AARS2: variants seen among roughly 807,000 people sequenced by gnomAD.
AARS2 encodes the protein alanyl-tRNA synthetase 2, mitochondrial.
A neutral mutation model predicts 119.7 loss-of-function variants in AARS2; 78 were observed. That is an observed-to-expected ratio of 0.65 (90% CI 0.54 to 0.79). The LOEUF is 0.79. Ranked by LOEUF, AARS2 falls within the 30% of genes least tolerant of loss-of-function variation. AARS2 has a pLI of 0.00. For missense variants in AARS2, 1,157 were observed against 1,291.3 expected (o/e 0.90, Z 1.59); for synonymous variants, 502 against 526.3 (o/e 0.95, Z 0.63).
chr6:44,310,457 G>C lies in AARS2; in HGVS notation c.750-14C>G, dbSNP rs749636365. ...CCATCTGCCTCTCTGGCCAGGGAAG[G>C]TGTGCAAGGTGAGGCCCCACCCAGG... On this transcript the variant is annotated splice_polypyrimidine_tract_variant and intron_variant, in intron 4 of 21. Coordinates refer to ENST00000244571, the MANE Select transcript of AARS2 (RefSeq NM_020745.4). 1 of 1,612,562 alleles carries C rather than the reference G, an allele frequency of 6.2e-7. No individual in the cohort carries two copies. Among genetic ancestry groups the C allele is most frequent in the Non-Finnish European group, 8.5e-7 (1 of 1,179,894 alleles).
chr6:44,306,771 G>A (rs1399861410), intron 7 of AARS2, 152 bp downstream of exon 7: 2 of 861,006 alleles, frequency 2.3e-6, no homozygotes, highest in Non-Finnish European at 3.9e-6. Flanking sequence ...TGTAAGCAAG[G>A]ACAGCTTTCT....
rs1453161707 is a variant in AARS2 at position 44,307,061 on chromosome 6, C to T, written c.1041-30G>A. 1 of 1,611,842 alleles carries T rather than the reference C, an allele frequency of 6.2e-7. No individual in the cohort carries two copies. The highest frequency in any genetic ancestry group is 1.7e-5 in the Admixed American group (1 of 59,974). On this transcript the variant is annotated intron_variant, in intron 6 of 21. Transcript: ENST00000244571. This position sits in a 1 kb window ranked among gnomAD's most constrained non-coding sequence, Gnocchi z 4.4. ...AGGGGTTCAGAGCCCAGACATGAAT[C>T]CCCAGCGGCTCATGGTCAGCAATAT...
chr6:44,304,797 G>C lies in AARS2; in HGVS notation c.1600C>G (p.Gln534Glu). 1 of 1,614,166 alleles carries C rather than the reference G, an allele frequency of 6.2e-7. No individual in the cohort carries two copies. Among genetic ancestry groups the C allele is most frequent in the Non-Finnish European group, 8.5e-7 (1 of 1,180,022 alleles). The change falls in exon 12 of 22, where the codon CAG (glutamine) becomes GAG (glutamate). Residue 534 changes from glutamine (Q) to glutamate (E), a missense_variant. Coordinates refer to ENST00000244571, the MANE Select transcript of AARS2 (RefSeq NM_020745.4). The stretch of plus-strand genomic sequence containing the variant: ...TCCTCTGTATACAGTTGCAACACCT[G>C]GGCCTCACAGGTGCCGAACTCTGCC... Reference protein sequence around the residue: ...GSYEFGTCEAQVLQLYTEDGT... With the variant: ...GSYEFGTCEAEVLQLYTEDGT...
rs1339137850 is a variant in AARS2 at position 44,304,485 on chromosome 6, G to A, written c.1801C>T (p.Leu601=). The change falls in exon 13 of 22, where the codon CTG becomes TTG. Residue 601 remains leucine (L), a synonymous_variant. Transcript: ENST00000244571. ...ARAQVCGGFI[L]HEAVAPECLR... ...CACTCAGGGGCTACTGCCTCATGCA[G>A]GATGAAACCTCCACAGACCTGGGCC... The A allele has an allele frequency of 1.9e-6, 3 of 1,614,086 alleles. No individual in the cohort carries two copies. The highest frequency in any genetic ancestry group is 2.5e-6 in the Non-Finnish European group (3 of 1,180,034).
In AARS2 at chr6:44,303,184, A is replaced by G. The variant is rs778963535; in HGVS notation, c.2146-9T>C. ...ACAGGGTCTGGGTAAACCTGAGGTC[A>G]AGAGGGGACAGGCCCGTTAACTGCC... On this transcript the variant is annotated splice_polypyrimidine_tract_variant and intron_variant, in intron 15 of 21. Transcript: ENST00000244571. 3 of 1,614,126 alleles carry G rather than the reference A, an allele frequency of 1.9e-6. No homozygotes were observed. The South Asian group carries it at 3.3e-5, about 18-fold the overall frequency.
At position 44,310,294 on chromosome 6, in the gene AARS2, C is replaced by G; in HGVS notation, c.894+5G>C. On this transcript the variant is annotated splice_donor_5th_base_variant and intron_variant, in intron 5 of 21. Transcript: ENST00000244571. ...GAGGGCTTCTGGAAGGGAAGAGGCA[C>G]TCACCTGCTGTATGGCGTTGAGCAG... is the stretch of plus-strand genomic sequence containing the variant. 1 of 1,590,614 alleles carries G rather than the reference C, an allele frequency of 6.3e-7. No homozygotes were observed. The highest frequency in any genetic ancestry group is 8.6e-7 in the Non-Finnish European group (1 of 1,168,010).
At position 44,313,276 on chromosome 6, in the gene AARS2, A is replaced by C. The variant is rs773635947; in HGVS notation, c.48T>G (p.Ile16Met). ...GGCCCCGCCATGCGGGCGACCTTCG[A>C]ATGGCCCGCCGCAGCCTCCGGGCTG... The part of the protein sequence containing the change: ...AAAARRLRRA[I>M]RRSPAWRGLS... Residue 16 changes from isoleucine to methionine, a missense_variant, in exon 1 of 22, where the codon ATT (isoleucine) becomes ATG (methionine). Ile to Met is a conservative substitution (Grantham distance 10). Transcript: ENST00000244571. 1 of 1,597,932 alleles carries C rather than the reference A, an allele frequency of 6.3e-7. No homozygotes were observed. Among genetic ancestry groups the C allele is most frequent in the Non-Finnish European group, 8.5e-7 (1 of 1,176,084 alleles).
intron 8 of AARS2, 50 bp from the exon 9 acceptor site, chr6:44,306,441 C>G (rs747669988): frequency 5.0e-6 from 8 of 1,613,886 alleles, no homozygotes; most frequent in Non-Finnish European, 5.9e-6. Context: ...GAAGGAGGGT[C>G]TCTCTCCACA....
In AARS2 at chr6:44,305,287, A is replaced by G. The variant is rs1479739868; in HGVS notation, c.1435-89T>C. 1.9e-6 allele frequency: 3 copies of G among 1,572,154 alleles called. No individual in the cohort carries two copies. Among genetic ancestry groups the G allele is most frequent in the East Asian group, 2.2e-5 (1 of 44,730 alleles). The stretch of plus-strand genomic sequence containing the variant: ...AGCCTCGCAGGGCCCTGTCCCTGCC[A>G]CACAGCTGTGGACTCTGCAGCCCTT... On this transcript the variant is annotated intron_variant, in intron 10 of 21. Transcript: ENST00000244571. The surrounding 1 kb of genome is among the most constrained non-coding windows in gnomAD (Gnocchi z 4.6).
At chr6:44,306,847 G>T in intron 7 of AARS2, 76 bp downstream of exon 7, 2 of 1,383,156 alleles carry the variant, frequency 1.4e-6, no homozygotes, top group Non-Finnish European at 2.1e-6. Flanking sequence ...CAGGCTGGGG[G>T]CACTGTCTAG....
chr6:44,310,453 G>T lies in AARS2; in HGVS notation c.750-10C>A. On this transcript the variant is annotated splice_polypyrimidine_tract_variant and intron_variant, in intron 4 of 21. Transcript: ENST00000244571. ...GCTTCCATCTGCCTCTCTGGCCAGG[G>T]AAGGTGTGCAAGGTGAGGCCCCACC... is the stretch of plus-strand genomic sequence containing the variant. The T allele has an allele frequency of 6.2e-7, 1 of 1,613,050 alleles. No homozygotes were observed. Among genetic ancestry groups the T allele is most frequent in the East Asian group, 2.2e-5 (1 of 44,888 alleles).
In AARS2 at chr6:44,307,715, AAAG is replaced by A. The variant is rs139220046; in HGVS notation, c.895-324_895-322del. 13,910 of 391,156 alleles carry A rather than the reference AAAG, an allele frequency of 0.036. 358 individuals carry two copies. The highest frequency in any genetic ancestry group is 0.048 in the Non-Finnish European group (10,076 of 208,278). The allele number at this position is 391,156 out of a possible 1,614,324, so 24.2% of individuals were successfully genotyped here. A position where few individuals can be genotyped will look rare whatever the true frequency, so the allele number is the denominator to read the frequency against. On this transcript the variant is annotated intron_variant, in intron 5 of 21. Coordinates refer to ENST00000244571, the MANE Select transcript of AARS2 (RefSeq NM_020745.4). This position sits in a 1 kb window ranked among gnomAD's most constrained non-coding sequence, Gnocchi z 4.4. ...CAGGAGGTATTAGCATGCTTGCTTT[AAAG>A]AAGAAGAAGCTGAGGCTCAGAGGAA...
chr6:44,304,932 CCA>C, intron 11 of AARS2, 115 bp from the exon 12 acceptor site: 1 of 1,604,652 alleles, frequency 6.2e-7, no homozygotes, highest in Non-Finnish European at 8.5e-7. Context: ...CAGCTGGGGG[CCA>C]CAGAGACCCC....
At position 44,312,140 on chromosome 6, in the gene AARS2, G is replaced by A. The variant is rs200450941; in HGVS notation, c.367C>T (p.Arg123Ter). The change falls in exon 2 of 22, where the codon CGA (arginine) becomes TGA (stop). Residue 123 changes from arginine (R) to a stop codon, truncating the protein, a stop_gained. Transcript: ENST00000244571. LOFTEE classifies it high-confidence loss of function. Reference protein sequence around the residue: ...GHHNDLEDVGRDLSHHTFFEM... With the variant: ...GHHNDLEDVG ...AAGAAGGTATGATGGGAAAGGTCTC[G>A]ACCCACATCTTCCAGGTCGTTATGG... 4.3e-6 allele frequency: 7 copies of A among 1,614,072 alleles called. No individual in the cohort carries two copies. The highest frequency in any genetic ancestry group is 3.3e-5 in the Admixed American group (2 of 60,010).
At chr6:44,306,847 G>A (rs910871795) in intron 7 of AARS2, 76 bp downstream of exon 7, 6 of 1,383,038 alleles carry the variant, frequency 4.3e-6, no homozygotes, top group Non-Finnish European at 5.2e-6. Flanking sequence ...CAGGCTGGGG[G>A]CACTGTCTAG....
In AARS2 at chr6:44,305,271, G is replaced by A; in HGVS notation, c.1435-73C>T. The A allele has an allele frequency of 6.3e-7, 1 of 1,591,170 alleles. No homozygotes were observed. Among genetic ancestry groups the A allele is most frequent in the Non-Finnish European group, 8.5e-7 (1 of 1,173,130 alleles). On this transcript the variant is annotated intron_variant, in intron 10 of 21. Transcript: ENST00000244571. This position sits in a 1 kb window ranked among gnomAD's most constrained non-coding sequence, Gnocchi z 4.6. ...ATGAAAGTGGGACTTCAGCCTCGCAGGGCCCTGTCCCTGCCACACAGCTGT... is the reference window on the plus strand; with the variant it reads ...ATGAAAGTGGGACTTCAGCCTCGCAAGGCCCTGTCCCTGCCACACAGCTGT...
chr6:44,302,201 C>G (rs1485683517), intron 18 of AARS2, 31 bp from the exon 19 acceptor site: 1 of 1,613,094 alleles, frequency 6.2e-7, no homozygotes. Flanking sequence ...TCACCCCTGC[C>G]CTTCCCTGAG....
Position 44,302,258 on chromosome 6 carries a change from C to T in AARS2, c.2488-88G>A. On this transcript the variant is annotated intron_variant, in intron 18 of 21. Coordinates refer to ENST00000244571, the MANE Select transcript of AARS2 (RefSeq NM_020745.4). Reference sequence around the variant, plus strand: ...CCAGCAGGGCCAGGGAAGACACCCACCCTGCAGACAAATATCTGGGCCAGC... The same window carrying T: ...CCAGCAGGGCCAGGGAAGACACCCATCCTGCAGACAAATATCTGGGCCAGC... 6 of 1,609,424 alleles carry T rather than the reference C, an allele frequency of 3.7e-6. No homozygotes were observed. In the Admixed American group the frequency reaches 8.3e-5, roughly 22 times the overall value.
rs1297153864 is a variant in AARS2, at chr6:44,307,422, C to T, written c.895-28G>A. ...GGGAAGCAGAAGAGTCAGCCAGTGGCCCTGCCTGACCTGGCCCAGGTGGGT... is the reference window on the plus strand; with the variant it reads ...GGGAAGCAGAAGAGTCAGCCAGTGGTCCTGCCTGACCTGGCCCAGGTGGGT... On this transcript the variant is annotated intron_variant, in intron 5 of 21. Transcript: ENST00000244571. This position sits in a 1 kb window ranked among gnomAD's most constrained non-coding sequence, Gnocchi z 4.4. 4 of 1,578,946 alleles carry T rather than the reference C, an allele frequency of 2.5e-6. No homozygotes were observed. The highest frequency in any genetic ancestry group is 3.4e-6 in the Non-Finnish European group (4 of 1,165,174).
Sources: allele counts gnomAD v4.1 joint callset, GRCh38; gene constraint gnomAD v4.1.1; non-coding constraint Gnocchi (gnomAD v3.1); transcripts MANE v1.5; gene names NCBI Gene and HGNC (gene_info 2026-07-23, HGNC 2026-07-21).